SRPK2: variants seen among roughly 807,000 people sequenced by gnomAD.
SRPK2 encodes SRSF protein kinase 2, also known as SFRS protein kinase 2.
In SRPK2, 21 loss-of-function variants were observed where a neutral mutation model predicts 90.8. The ratio of observed to expected loss-of-function variants is 0.23; its 90% confidence interval spans 0.16 to 0.33. The LOEUF is 0.33. Among genes scored for constraint, SRPK2 ranks in the 10% least tolerant of loss-of-function variants. SRPK2 has a pLI of 1.00. For missense variants in SRPK2, 620 were observed against 869.0 expected (o/e 0.71, Z 3.60); for synonymous variants, 288 against 311.1 (o/e 0.93, Z 0.78).
At chr7:105,284,244 G>A (rs747159300) in intron 2 of SRPK2, among the ~76,000 whole-genome samples, 21 of 152,124 alleles carry the variant, frequency 1.4e-4, no homozygotes, top group Non-Finnish European at 2.6e-4. Flanking sequence ...ATTTGGGCTT[G>A]GTTATAAAGG....
intron 2 of SRPK2, 74 bp downstream of exon 2, chr7:105,388,573 CT>C: frequency 7.0e-7 from 1 of 1,418,752 alleles, no homozygotes; most frequent in Non-Finnish European, 9.6e-7. Context: ...ACCCGGACAA[CT>C]TTCCCCTGCG....
At chr7:105,319,504 C>CGGGGGG (rs796955446) in intron 2 of SRPK2, among the ~76,000 whole-genome samples, 5 of 5,304 alleles carry the variant, frequency 9.4e-4, no homozygotes, top group Non-Finnish European at 4.7e-3. Context: ...GCACTTGCGG[C>CGGGGGG]GGGGGGGGGG....
At chr7:105,237,746 G>A (rs1800313881) in intron 2 of SRPK2, among the ~76,000 whole-genome samples, 1 of 152,208 alleles carries the variant, frequency 6.6e-6, no homozygotes, top group Non-Finnish European at 1.5e-5. Flanking sequence ...ACATCTGAGT[G>A]CTGTGGTAAA....
intron 2 of SRPK2, among the ~76,000 whole-genome samples, chr7:105,329,243 T>G (rs796197498): frequency 2.6e-5 from 4 of 152,232 alleles, no homozygotes; most frequent in African/African-American, 9.6e-5. Flanking sequence ...AGCTCTTTTC[T>G]AAAATACAAA....
Position 105,203,988 on chromosome 7 carries a change from C to T in SRPK2, c.72-203G>A, listed in dbSNP as rs138749315. The stretch of plus-strand genomic sequence containing the variant: ...TCAGGCCAAAAAAAAAAAAAATCTG[C>T]CCTTATTAGCTAAGGAATTTTTTTC... On this transcript the variant is annotated intron_variant, in intron 2 of 15. Transcript: ENST00000393651. Among the ~76,000 whole-genome samples the T allele has an allele frequency of 2.1e-3, 323 of 152,200 alleles. 1 individual carries two copies. The highest frequency in any genetic ancestry group is 6.8e-3 in the Middle Eastern group (2 of 294).
chr7:105,369,282 G>A (rs1430813028), intron 2 of SRPK2, among the ~76,000 whole-genome samples: 2 of 151,976 alleles, frequency 1.3e-5, no homozygotes, highest in African/African-American at 4.8e-5. Context: ...GAGTAGCTGA[G>A]ATTACAGGAG....
intron 2 of SRPK2, among the ~76,000 whole-genome samples, chr7:105,311,585 AC>A (rs772235482): frequency 4.6e-5 from 7 of 152,212 alleles, no homozygotes; most frequent in Non-Finnish European, 8.8e-5. Flanking sequence ...ATGGCCAAAA[AC>A]ACATGAAAAG....
intron 1 of SRPK2, among the ~76,000 whole-genome samples, chr7:105,394,528 T>C (rs891789199): frequency 6.6e-6 from 1 of 152,206 alleles, no homozygotes; most frequent in Non-Finnish European, 1.5e-5. Context: ...AGTTACTTAA[T>C]TACAACATCT....
chr7:105,302,200 T>G (rs537839677), intron 2 of SRPK2: 1 of 781,172 alleles, frequency 1.3e-6, no homozygotes, highest in South Asian at 1.5e-5. Flanking sequence ...AATTTTTGTA[T>G]GTTTCTTACA....
chr7:105,344,235 A>G (rs975785383), intron 2 of SRPK2, among the ~76,000 whole-genome samples: 6 of 152,074 alleles, frequency 3.9e-5, no homozygotes, highest in African/African-American at 1.4e-4. Context: ...CACACAGACA[A>G]TATGTAAACA....
At chr7:105,326,449 C>G (rs1813603267) in intron 2 of SRPK2, among the ~76,000 whole-genome samples, 1 of 152,148 alleles carries the variant, frequency 6.6e-6, no homozygotes, top group African/African-American at 2.4e-5. Flanking sequence ...AGTTTACTTT[C>G]TTTTTCATGG....
At chr7:105,192,474 T>C (rs371101759) in intron 3 of SRPK2, among the ~76,000 whole-genome samples, 1 of 152,250 alleles carries the variant, frequency 6.6e-6, no homozygotes, top group East Asian at 1.9e-4. Context: ...TGGTTCCACA[T>C]TTTTGCAATT....
chr7:105,167,605 T>C (rs926507353), intron 5 of SRPK2, 141 bp from the exon 6 acceptor site: 3 of 446,694 alleles, frequency 6.7e-6, no homozygotes, highest in East Asian at 3.9e-5. Flanking sequence ...AAACTTTATT[T>C]ATTTATTTAT....
chr7:105,388,732 C>T, intron 1 of SRPK2, 30 bp from the exon 2 acceptor site: 1 of 1,560,160 alleles, frequency 6.4e-7, no homozygotes, highest in Non-Finnish European at 8.7e-7. Context: ...CATTAACGGT[C>T]GGGCCGCCCG....
chr7:105,155,828 G>A (rs112816318), intron 7 of SRPK2, among the ~76,000 whole-genome samples: 9 of 152,172 alleles, frequency 5.9e-5, no homozygotes, highest in African/African-American at 1.9e-4. Flanking sequence ...ATAAAAAACG[G>A]AAAGGTGCCC....
intron 2 of SRPK2, among the ~76,000 whole-genome samples, chr7:105,234,070 A>C (rs925209765): frequency 5.9e-5 from 9 of 152,082 alleles, no homozygotes; most frequent in Non-Finnish European, 1.3e-4. Context: ...AAATTTTTTT[A>C]TGACTTACAT....
At chr7:105,361,347 A>G (rs1372503959) in intron 2 of SRPK2, among the ~76,000 whole-genome samples, 5 of 151,952 alleles carry the variant, frequency 3.3e-5, no homozygotes, top group African/African-American at 1.2e-4. Context: ...ATGGAAGAAC[A>G]TTCCATGCTC....
intron 13 of SRPK2, among the ~76,000 whole-genome samples, chr7:105,130,758 C>T (rs565966403): frequency 1.3e-5 from 2 of 151,136 alleles, no homozygotes; most frequent in African/African-American, 4.9e-5. Flanking sequence ...AAAGCCATGA[C>T]TTTTGGGGGG....
At chr7:105,352,447 T>A (rs1324843800) in intron 2 of SRPK2, among the ~76,000 whole-genome samples, 1 of 152,210 alleles carries the variant, frequency 6.6e-6, no homozygotes, top group Non-Finnish European at 1.5e-5. Context: ...TGGAAGCAGA[T>A]CCTCCAGCCT....
Sources: gnomAD v4.1 joint callset for allele counts (sites outside exome capture counted in the v4.1 genomes callset) on GRCh38, gnomAD v4.1.1 for gene constraint, MANE v1.5 for transcripts, NCBI Gene and HGNC (gene_info 2026-07-23, HGNC 2026-07-21) for gene names.